The following LRP1B variants were observed in gnomAD, a reference collection of about 807,000 sequenced individuals.
LRP1B encodes LDL receptor related protein 1B.
A neutral mutation model predicts 556.6 loss-of-function variants in LRP1B; 217 were observed. The observed-to-expected ratio is 0.39, with a 90% confidence interval of 0.35 to 0.44. The LOEUF is 0.44. Among genes scored for constraint, LRP1B ranks in the 20% least tolerant of loss-of-function variants. LRP1B has a pLI of 1.00. For missense variants in LRP1B, 5,053 were observed against 5,620.8 expected (o/e 0.90, Z 3.23); for synonymous variants, 2,047 against 1,865.8 (o/e 1.10, Z -2.50).
At chr2:141,166,047 A>T (rs1479024272) in intron 7 of LRP1B, among the ~76,000 whole-genome samples, 1 of 151,896 alleles carries the variant, frequency 6.6e-6, no homozygotes, top group East Asian at 1.9e-4. Flanking sequence ...GAGGCTCCCC[A>T]CTAATCTCCC....
intron 63 of LRP1B, among the ~76,000 whole-genome samples, chr2:140,446,826 G>T (rs952518508): frequency 6.6e-6 from 1 of 151,736 alleles, no homozygotes; most frequent in Admixed American, 6.6e-5. Context: ...ACAGACAAAT[G>T]GAATTACATC....
chr2:142,024,642 G>C (rs886461643), intron 1 of LRP1B, among the ~76,000 whole-genome samples: 1 of 56,476 alleles, frequency 1.8e-5, no homozygotes. Flanking sequence ...TTTTGTATTT[G>C]TTTTTGCTTT....
At chr2:141,910,579 G>A (rs1202816051) in intron 1 of LRP1B, among the ~76,000 whole-genome samples, 1 of 151,760 alleles carries the variant, frequency 6.6e-6, no homozygotes, top group East Asian at 1.9e-4. Context: ...CAATTGCTGG[G>A]AAAAAAACAA....
At chr2:141,215,321 A>G (rs894947356) in intron 6 of LRP1B, among the ~76,000 whole-genome samples, 1 of 152,158 alleles carries the variant, frequency 6.6e-6, no homozygotes, top group African/African-American at 2.4e-5. Flanking sequence ...GAGCAAATTA[A>G]ACCTCTTTTC....
chr2:141,947,555 T>C (rs1700988285), intron 1 of LRP1B, among the ~76,000 whole-genome samples: 1 of 152,058 alleles, frequency 6.6e-6, no homozygotes, highest in African/African-American at 2.4e-5. Context: ...AATGGCTTAT[T>C]GAAGAAAAAG....
At chr2:140,579,667 C>A (rs914635090) in intron 43 of LRP1B, among the ~76,000 whole-genome samples, 22 of 152,192 alleles carry the variant, frequency 1.4e-4, no homozygotes, top group Middle Eastern at 3.4e-3. Context: ...CAGGGCATAA[C>A]CCCATCTCTA....
intron 3 of LRP1B, among the ~76,000 whole-genome samples, chr2:141,265,160 C>T (rs1388851749): frequency 1.3e-5 from 2 of 152,296 alleles, no homozygotes; most frequent in Middle Eastern, 3.4e-3. Flanking sequence ...CAAGAAGACG[C>T]AGATGCTACC....
At chr2:140,905,641 C>T (rs1694229463) in intron 22 of LRP1B, among the ~76,000 whole-genome samples, 1 of 152,014 alleles carries the variant, frequency 6.6e-6, no homozygotes, top group African/African-American at 2.4e-5. Context: ...TGTTAAGCAC[C>T]AGTTATCTAA....
intron 7 of LRP1B, among the ~76,000 whole-genome samples, chr2:141,106,627 G>A (rs1250664948): frequency 6.6e-6 from 1 of 152,070 alleles, no homozygotes; most frequent in Non-Finnish European, 1.5e-5. Context: ...AAATGTAATA[G>A]TTTATCATGA....
chr2:141,623,708 C>T (rs12992837), intron 2 of LRP1B, among the ~76,000 whole-genome samples: 113,209 of 151,640 alleles, frequency 0.75, 42,871 homozygotes, highest in East Asian at 0.83. Context: ...ATGTTATGAC[C>T]TCTAATGCAT....
chr2:140,387,579 T>TC (rs1462228306), intron 66 of LRP1B, among the ~76,000 whole-genome samples: 1 of 125,358 alleles, frequency 8.0e-6, no homozygotes, highest in Non-Finnish European at 1.8e-5. Flanking sequence ...ATTTTTCTAT[T>TC]TTTTTTTTTA....
At chr2:142,036,833 G>A (rs756530909) in intron 1 of LRP1B, among the ~76,000 whole-genome samples, 7 of 151,608 alleles carry the variant, frequency 4.6e-5, no homozygotes, top group African/African-American at 1.5e-4. Context: ...TTATTACAAA[G>A]CATCACGTTT....
intron 18 of LRP1B, among the ~76,000 whole-genome samples, chr2:140,965,890 T>TA (rs1385096447): frequency 8.7e-5 from 1 of 11,490 alleles, no homozygotes; most frequent in Admixed American, 1.5e-3. Context: ...GAACTCATCC[T>TA]TTTTTTATGG....
At chr2:142,005,191 T>C (rs1702765084) in intron 1 of LRP1B, among the ~76,000 whole-genome samples, 1 of 151,050 alleles carries the variant, frequency 6.6e-6, no homozygotes, top group Admixed American at 6.6e-5. Context: ...TTGGTGCCTA[T>C]ATATATTTAG....
intron 41 of LRP1B, among the ~76,000 whole-genome samples, chr2:140,674,506 A>T (rs1043699324): frequency 6.6e-6 from 1 of 152,220 alleles, no homozygotes; most frequent in Non-Finnish European, 1.5e-5. Flanking sequence ...CCAGATCTTT[A>T]GATAACAATT....
At chr2:141,450,838 C>G (rs1198571265) in intron 3 of LRP1B, among the ~76,000 whole-genome samples, 1 of 152,030 alleles carries the variant, frequency 6.6e-6, no homozygotes, top group African/African-American at 2.4e-5. Flanking sequence ...TTTATTAACT[C>G]TAAAAGTTCA....
chr2:141,344,723 T>C (rs1688185420), intron 3 of LRP1B, among the ~76,000 whole-genome samples: 1 of 152,218 alleles, frequency 6.6e-6, no homozygotes, highest in Admixed American at 6.5e-5. Context: ...ACTGTATTCA[T>C]AGTGTCTTCA....
intron 41 of LRP1B, among the ~76,000 whole-genome samples, chr2:140,688,245 A>G (rs1686118523): frequency 6.6e-6 from 1 of 152,176 alleles, no homozygotes; most frequent in Non-Finnish European, 1.5e-5. Context: ...TGAGCTACAC[A>G]TGTAAACACT....
rs576268016 is a variant in LRP1B, at chr2:142,081,828, G to T, written c.82+48820C>A. On this transcript the variant is annotated intron_variant, in intron 1 of 90. Coordinates refer to ENST00000389484, the MANE Select transcript of LRP1B (RefSeq NM_018557.3). ...GTATAGAGTTTCTTGTAAGCATGGG[G>T]TTTTTGAAACTCTCAACCCACTTAA... 2.6e-5 allele frequency among the ~76,000 whole-genome samples: 4 copies of T among 152,218 alleles called. No homozygotes were observed. The South Asian group carries it at 8.3e-4, about 32-fold the overall frequency.
Sources: allele counts gnomAD v4.1 joint callset (sites outside exome capture counted in the v4.1 genomes callset), GRCh38; gene constraint gnomAD v4.1.1; transcripts MANE v1.5; gene names NCBI Gene and HGNC (gene_info 2026-07-23, HGNC 2026-07-21).